The following CNOT10 variants were observed in gnomAD, a reference collection of about 807,000 sequenced individuals.
The protein encoded by CNOT10 is CCR4-NOT transcription complex, subunit 10.
CNOT10 carries 30 observed loss-of-function variants against 94.6 expected under a neutral mutation model. That is an observed-to-expected ratio of 0.32 (90% CI 0.24 to 0.43). The LOEUF is 0.43. Among genes scored for constraint, CNOT10 ranks in the 20% least tolerant of loss-of-function variants. The pLI is 1.00. For missense variants in CNOT10, 759 were observed against 877.2 expected, an observed-to-expected ratio of 0.87 and a Z score of 1.70; for synonymous variants, 289 against 301.6, an observed-to-expected ratio of 0.96 and a Z score of 0.43.
At position 32,773,432 on chromosome 3, in the gene CNOT10, T is replaced by G. The variant is rs1700996545; in HGVS notation, c.2081-25T>G. On this transcript the variant is annotated intron_variant, in intron 18 of 18. Coordinates refer to ENST00000328834, the MANE Select transcript of CNOT10 (RefSeq NM_015442.3). ...GTGGCAGTATTGTTCTGTGCTTTGT[T>G]TTTTAACGGGAAGTGTTTTTATAGG... The G allele has an allele frequency of 2.5e-6, 4 of 1,600,424 alleles. No individual in the cohort carries two copies. In the East Asian group the frequency reaches 9.0e-5, roughly 36 times the overall value.
At chr3:32,690,623 T>C (rs1696808558) in intron 1 of CNOT10, among the ~76,000 whole-genome samples, 1 of 151,964 alleles carries the variant, frequency 6.6e-6, no homozygotes, top group African/African-American at 2.4e-5. Flanking sequence ...CTTGGCTCAC[T>C]GCAAGCTCCG....
At chr3:32,747,293 C>G (rs1699742430) in intron 13 of CNOT10, among the ~76,000 whole-genome samples, 1 of 151,906 alleles carries the variant, frequency 6.6e-6, no homozygotes, top group Admixed American at 6.6e-5. Context: ...TGGCGCATGC[C>G]TGTAATCCCA....
At chr3:32,686,958 C>A (rs1696627418) in intron 1 of CNOT10, among the ~76,000 whole-genome samples, 1 of 151,398 alleles carries the variant, frequency 6.6e-6, no homozygotes, top group Non-Finnish European at 1.5e-5. Context: ...TTGGAGGAGA[C>A]AGGCATATCC....
chr3:32,721,317 A>G (rs1698394230), intron 8 of CNOT10, among the ~76,000 whole-genome samples: 1 of 150,452 alleles, frequency 6.6e-6, no homozygotes, highest in Non-Finnish European at 1.5e-5. Flanking sequence ...CCACCTCAGC[A>G]TCTCAAAGTG....
chr3:32,752,353 G>T (rs1700001098), intron 13 of CNOT10, among the ~76,000 whole-genome samples: 1 of 152,022 alleles, frequency 6.6e-6, no homozygotes, highest in African/African-American at 2.4e-5. Flanking sequence ...CCACTAATGT[G>T]GATAAATCAT....
At position 32,773,700 on chromosome 3, in the gene CNOT10, G is replaced by A. The variant is rs1701007024; in HGVS notation, c.*89G>A. The A allele has an allele frequency of 8.3e-6, 11 of 1,327,832 alleles. No individual in the cohort carries two copies. The highest frequency in any genetic ancestry group is 1.1e-5 in the Non-Finnish European group (11 of 989,946). 82.3% of individuals were successfully genotyped at this position (1,327,832 alleles called of 1,614,324 possible). ...TATCACAGCAGAATGAATAAAAGAT[G>A]GTGAAGGCTGTTAATTTTGAGTCAA... On this transcript the variant is annotated 3_prime_UTR_variant, in exon 19 of 19. Coordinates refer to ENST00000328834, the MANE Select transcript of CNOT10 (RefSeq NM_015442.3).
intron 13 of CNOT10, among the ~76,000 whole-genome samples, chr3:32,739,551 C>T (rs997871987): frequency 2.6e-5 from 4 of 151,904 alleles, no homozygotes; most frequent in Admixed American, 6.6e-5. Context: ...CATTTAGAGA[C>T]GATTGTAGAT....
rs943587359 is a variant in CNOT10, at chr3:32,746,608, G to T, written c.1595+9118G>T. Among the ~76,000 whole-genome samples the T allele has an allele frequency of 4.6e-5, 7 of 151,818 alleles. No homozygotes were observed. The East Asian group carries it at 1.2e-3, about 25-fold the overall frequency. On this transcript the variant is annotated intron_variant, in intron 13 of 18. Coordinates refer to ENST00000328834, the MANE Select transcript of CNOT10 (RefSeq NM_015442.3). ...TCCCAGCACTTTGGGAGGCCGAGGT[G>T]GGCAGATCATGAGGTCAGGAGATTG... is the stretch of plus-strand genomic sequence containing the variant.
intron 5 of CNOT10, 75 bp downstream of exon 5, chr3:32,713,444 A>C: frequency 8.6e-7 from 1 of 1,166,810 alleles, no homozygotes; most frequent in Non-Finnish European, 1.2e-6. Context: ...TACTGGATTA[A>C]AAAGAAAGCA....
At chr3:32,695,806 G>C in intron 1 of CNOT10, 1 of 1,535,802 alleles carries the variant, frequency 6.5e-7, no homozygotes, top group Non-Finnish European at 8.7e-7. Context: ...AATGCTGTGG[G>C]ATTATGTGCA....
intron 1 of CNOT10, 41 bp from the exon 2 acceptor site, chr3:32,703,827 A>G (rs768794056): frequency 2.8e-6 from 4 of 1,449,772 alleles, no homozygotes; most frequent in Non-Finnish European, 3.9e-6. Flanking sequence ...CCACTGTACA[A>G]CTTTTATTTC....
chr3:32,754,495 T>A lies in CNOT10; in HGVS notation c.1596-4963T>A, dbSNP rs1355684705. ...CCGTCTCAAAAAAAAAAAAAATACA[T>A]ATATATATATATATTTATTTTACTT... On this transcript the variant is annotated intron_variant, in intron 13 of 18. Coordinates refer to ENST00000328834, the MANE Select transcript of CNOT10 (RefSeq NM_015442.3). 4.7e-4 allele frequency among the ~76,000 whole-genome samples: 42 copies of A among 89,698 alleles called. 1 individual carries two copies. The highest frequency in any genetic ancestry group is 1.0e-3 in the African/African-American group (21 of 20,514). 58.8% of individuals were successfully genotyped at this position (89,698 alleles called of 152,430 possible).
chr3:32,705,289 A>AAT (rs1697563871), intron 3 of CNOT10, among the ~76,000 whole-genome samples: 1 of 152,190 alleles, frequency 6.6e-6, no homozygotes, highest in African/African-American at 2.4e-5. Context: ...TAATGAAAAA[A>AAT]ATATGATTAA....
chr3:32,692,275 T>C (rs1186414880), intron 1 of CNOT10, among the ~76,000 whole-genome samples: 1 of 152,146 alleles, frequency 6.6e-6, no homozygotes, highest in Non-Finnish European at 1.5e-5. Flanking sequence ...AAAAATTTAT[T>C]TGTAGGCACA....
At chr3:32,761,683 G>T (rs1408297839) in intron 14 of CNOT10, among the ~76,000 whole-genome samples, 1 of 151,328 alleles carries the variant, frequency 6.6e-6, no homozygotes, top group African/African-American at 2.4e-5. Context: ...AGCCTCCTGC[G>T]TAGCTGGGAT....
intron 1 of CNOT10, among the ~76,000 whole-genome samples, chr3:32,697,644 C>A (rs1019583496): frequency 6.6e-6 from 1 of 151,810 alleles, no homozygotes; most frequent in Non-Finnish European, 1.5e-5. Context: ...CTAATTAAAA[C>A]AATTTTTTAA....
chr3:32,700,225 C>G (rs1697274486), intron 1 of CNOT10, among the ~76,000 whole-genome samples: 1 of 152,104 alleles, frequency 6.6e-6, no homozygotes, highest in African/African-American at 2.4e-5. Context: ...ATCCGCCTGC[C>G]TCGGCCTCCC....
chr3:32,726,245 G>A (rs374568257), intron 9 of CNOT10, among the ~76,000 whole-genome samples: 5 of 152,236 alleles, frequency 3.3e-5, no homozygotes, highest in African/African-American at 1.2e-4. Flanking sequence ...TGCCCGGCTT[G>A]TTATAGATTC....
At chr3:32,754,350 A>G (rs1700103837) in intron 13 of CNOT10, among the ~76,000 whole-genome samples, 1 of 141,380 alleles carries the variant, frequency 7.1e-6, no homozygotes, top group Admixed American at 7.3e-5. Context: ...GGTGGCGGGC[A>G]CCTGTAGTCC....
Sources: allele counts gnomAD v4.1 joint callset (sites outside exome capture counted in the v4.1 genomes callset), GRCh38; gene constraint gnomAD v4.1.1; transcripts MANE v1.5; gene names NCBI Gene and HGNC (gene_info 2026-07-23, HGNC 2026-07-21).